Variants in ZNF704 observed in about 807,000 individuals in gnomAD.
ZNF704 encodes the protein glucocorticoid induced gene 1.
A neutral mutation model predicts 44.7 loss-of-function variants in ZNF704; 10 were observed. The ratio of observed to expected loss-of-function variants is 0.22; its 90% confidence interval spans 0.14 to 0.38. ZNF704 has a LOEUF of 0.38. Ranked by LOEUF, ZNF704 falls within the 10% of genes least tolerant of loss-of-function variation. ZNF704 has a pLI of 1.00. For missense variants in ZNF704, 390 were observed against 545.5 expected (o/e 0.71, Z 2.84); for synonymous variants, 211 against 207.6 (o/e 1.02, Z -0.14).
At chr8:80,825,037 T>C (rs1378494294) in intron 1 of ZNF704, among the ~76,000 whole-genome samples, 1 of 152,162 alleles carries the variant, frequency 6.6e-6, no homozygotes, top group African/African-American at 2.4e-5. Context: ...AATAACCAGC[T>C]AACATCATAA....
the ZNF704 span, among the ~76,000 whole-genome samples, chr8:80,884,419 A>G: frequency 5.9e-5 from 9 of 152,154 alleles, no homozygotes; most frequent in African/African-American, 1.9e-4. Flanking sequence ...CAGTGGCTCC[A>G]TATATTTATC....
intron 1 of ZNF704, among the ~76,000 whole-genome samples, chr8:80,840,328 CGT>C (rs112077793): frequency 4.9e-4 from 74 of 151,916 alleles, no homozygotes; most frequent in African/African-American, 1.2e-3. Flanking sequence ...TGTGTGTGCG[CGT>C]GTGTTTTTAT....
intron 1 of ZNF704, among the ~76,000 whole-genome samples, chr8:80,873,854 C>CGCG (rs896417638): frequency 6.8e-6 from 1 of 146,266 alleles, no homozygotes; most frequent in Non-Finnish European, 1.5e-5. Flanking sequence ...CCCGGCGCTG[C>CGCG]GCGGCGGCGG....
At chr8:80,651,588 G>A (rs1276929332) in intron 7 of ZNF704, among the ~76,000 whole-genome samples, 1 of 152,106 alleles carries the variant, frequency 6.6e-6, no homozygotes, top group African/African-American at 2.4e-5. Flanking sequence ...ACATAATGGT[G>A]AAGGGATCAA....
intron 1 of ZNF704, among the ~76,000 whole-genome samples, chr8:80,834,707 C>T (rs768081566): frequency 1.2e-4 from 18 of 152,144 alleles, no homozygotes; most frequent in Non-Finnish European, 7.3e-5. Flanking sequence ...TGACAGGCCC[C>T]GGTGTGTGAT....
At chr8:80,667,159 A>G (rs533093397) in intron 5 of ZNF704, among the ~76,000 whole-genome samples, 12 of 152,246 alleles carry the variant, frequency 7.9e-5, no homozygotes, top group Admixed American at 7.8e-4. Flanking sequence ...GAGAGGCCAG[A>G]GGCTGGAGCT....
rs751307223 is a variant in ZNF704 at position 80,634,408 on chromosome 8, T to G, written c.*6958A>C. 10 of 152,238 alleles carry G rather than the reference T, an allele frequency of 6.6e-5. No individual in the cohort carries two copies. 9.4% of individuals were successfully genotyped at this position (152,238 alleles called of 1,614,324 possible). On this transcript the variant is annotated 3_prime_UTR_variant, in exon 9 of 9. Transcript: ENST00000327835. ...CCCAGATAGTGCCGACATGTGAGTT[T>G]GTGGGGCTGATGGATGAACCTGACC...
Position 80,664,801 on chromosome 8 carries a change from C to A in ZNF704, c.927+14G>T. ...AGGTCAAAGTGATTGCTCTCACAGTCCCCTGCAAGTCACCTGGTAAGCATG... is the reference window on the plus strand; with the variant it reads ...AGGTCAAAGTGATTGCTCTCACAGTACCCTGCAAGTCACCTGGTAAGCATG... On this transcript the variant is annotated intron_variant, in intron 6 of 8. Coordinates refer to ENST00000327835, the MANE Select transcript of ZNF704 (RefSeq NM_001033723.3). 1 of 1,613,698 alleles carries A rather than the reference C, an allele frequency of 6.2e-7. No homozygotes were observed. Among genetic ancestry groups the A allele is most frequent in the Admixed American group, 1.7e-5 (1 of 60,024 alleles).
At chr8:80,682,555 G>C (rs911350243) in intron 4 of ZNF704, among the ~76,000 whole-genome samples, 8 of 152,222 alleles carry the variant, frequency 5.3e-5, no homozygotes, top group African/African-American at 1.9e-4. Flanking sequence ...TTGCAGGGGG[G>C]CTAATGCACA....
At chr8:80,665,448 C>A (rs917255392) in intron 5 of ZNF704, among the ~76,000 whole-genome samples, 5 of 141,998 alleles carry the variant, frequency 3.5e-5, no homozygotes, top group African/African-American at 1.3e-4. Flanking sequence ...CCTAAAGAAA[C>A]AGATATTAAG....
At chr8:80,786,758 C>T (rs1460154437) in intron 2 of ZNF704, among the ~76,000 whole-genome samples, 2 of 152,114 alleles carry the variant, frequency 1.3e-5, no homozygotes, top group African/African-American at 2.4e-5. Flanking sequence ...GATGGAAACT[C>T]CTGCTCTGGG....
chr8:80,724,052 C>T (rs1264938828), intron 2 of ZNF704, among the ~76,000 whole-genome samples: 1 of 152,150 alleles, frequency 6.6e-6, no homozygotes, highest in African/African-American at 2.4e-5. Context: ...GTAATGTATA[C>T]AAAAATGGTG....
At chr8:80,796,461 T>C (rs927355838) in intron 2 of ZNF704, among the ~76,000 whole-genome samples, 6 of 152,172 alleles carry the variant, frequency 3.9e-5, no homozygotes, top group South Asian at 2.1e-4. Context: ...TACCACCACA[T>C]TGGAAATTAA....
At chr8:80,663,366 CAAAA>C (rs113981733) in intron 6 of ZNF704, among the ~76,000 whole-genome samples, 4 of 96,472 alleles carry the variant, frequency 4.1e-5, no homozygotes, top group Admixed American at 1.2e-4. Flanking sequence ...GACCCTGTCT[CAAAA>C]AAAAAAAAAA....
intron 2 of ZNF704, among the ~76,000 whole-genome samples, chr8:80,779,904 T>C (rs2129699867): frequency 6.7e-6 from 1 of 149,864 alleles, no homozygotes; most frequent in East Asian, 1.9e-4. Context: ...CTAAATATAA[T>C]AATAATATTA....
intron 1 of ZNF704, among the ~76,000 whole-genome samples, chr8:80,858,763 CT>C (rs1809010068): frequency 1.3e-5 from 2 of 151,988 alleles, no homozygotes; most frequent in South Asian, 4.2e-4. Flanking sequence ...CGTGAATTTT[CT>C]AGTTAAATTT....
At chr8:80,694,041 T>C (rs1818685350) in intron 2 of ZNF704, among the ~76,000 whole-genome samples, 1 of 151,922 alleles carries the variant, frequency 6.6e-6, no homozygotes, top group Non-Finnish European at 1.5e-5. Context: ...CACTTGGACA[T>C]GGGAGATGAG....
intron 2 of ZNF704, among the ~76,000 whole-genome samples, chr8:80,758,509 A>G (rs1188096716): frequency 6.6e-6 from 1 of 152,164 alleles, no homozygotes; most frequent in African/African-American, 2.4e-5. Context: ...GATCTGTTCT[A>G]TAACTCAGTT....
rs1443860055 is a variant in ZNF704 at position 80,669,237 on chromosome 8, TA to T, written c.659+1265del. ...CTTTGGGAAGTTCTTTCTAAACCTT[TA>T]AAAAAACTGAGCTGCTTACATTGTG... On this transcript the variant is annotated intron_variant, in intron 5 of 8. Transcript: ENST00000327835. Among the ~76,000 whole-genome samples, 4 of 152,172 alleles carry T rather than the reference TA, an allele frequency of 2.6e-5. No homozygotes were observed. The South Asian group carries it at 8.3e-4, about 32-fold the overall frequency.
Sources: gnomAD v4.1 joint callset for allele counts (sites outside exome capture counted in the v4.1 genomes callset) on GRCh38, gnomAD v4.1.1 for gene constraint, MANE v1.5 for transcripts, NCBI Gene and HGNC (gene_info 2026-07-23, HGNC 2026-07-21) for gene names.